The following CYB5R2 variants were observed in gnomAD, a reference collection of about 807,000 sequenced individuals.
CYB5R2 encodes NADH-cytochrome b5 reductase 2.
In CYB5R2, 35 loss-of-function variants were observed where a neutral mutation model predicts 29.8. That is an observed-to-expected ratio of 1.17 (90% CI 0.90 to 1.56). The LOEUF (loss-of-function observed/expected upper bound fraction) is 1.56, where lower values mean the gene tolerates loss of function less well. CYB5R2 is among the 40% of genes most tolerant of loss of function. The pLI, the probability that CYB5R2 is intolerant of heterozygous loss-of-function variation, is 0.00. For synonymous variants in CYB5R2, 169 were observed against 130.6 expected (o/e 1.29, Z -2.01); for missense variants, 419 against 346.7 (o/e 1.21, Z -1.66).
At position 7,666,489 on chromosome 11, in the gene CYB5R2, T is replaced by G. The variant is rs1266769888; in HGVS notation, c.620A>C (p.Gln207Pro). 2 of 1,613,524 alleles carry G rather than the reference T, an allele frequency of 1.2e-6. No homozygotes were observed. Among genetic ancestry groups the G allele is most frequent in the South Asian group, 2.2e-5 (2 of 91,066 alleles). Residue 207 changes from glutamine to proline, a missense_variant, in exon 8 of 9, where the codon CAG becomes CCG. Physicochemically the swap from Gln to Pro is moderately conservative, Grantham distance 76. Coordinates refer to ENST00000299498, the MANE Select transcript of CYB5R2 (RefSeq NM_016229.5). ...LEEIARTHPDQFNLWYTLDRP... is the reference protein window; with the variant it reads ...LEEIARTHPDPFNLWYTLDRP... ...GTCCAGGGTGTACCACAGGTTGAAC[T>G]GGTCTGGGTGAGTCCTGGCAATTTC...
Position 7,665,447 on chromosome 11 carries a change from G to C in CYB5R2, c.758C>G (p.Pro253Arg), listed in dbSNP as rs771640183. ...AGGGTGAGCCGCCGTCTGGATTAGT[G>C]GTGGCGGGCCACACACCAGGATGAG... ...STLILVCGPPPLIQTAAHPNL... is the reference protein window; with the variant it reads ...STLILVCGPPRLIQTAAHPNL... The change falls in exon 9 of 9, where the codon CCA becomes CGA. Residue 253 changes from proline (P) to arginine (R), a missense_variant. Pro to Arg is a moderately radical substitution (Grantham distance 103, BLOSUM62 -2). Coordinates refer to ENST00000299498, the MANE Select transcript of CYB5R2 (RefSeq NM_016229.5). The C allele has an allele frequency of 9.9e-6, 16 of 1,613,548 alleles. No individual in the cohort carries two copies. The highest frequency in any genetic ancestry group is 1.4e-5 in the Non-Finnish European group (16 of 1,179,848).
rs565769265 is a variant in CYB5R2, at chr11:7,665,827, C to T, written c.659-281G>A. 58 of 1,533,270 alleles carry T rather than the reference C, an allele frequency of 3.8e-5. No individual in the cohort carries two copies. In the East Asian group the frequency reaches 1.1e-3, roughly 30 times the overall value. 95.0% of individuals were successfully genotyped at this position (1,533,270 alleles called of 1,614,324 possible). ...GGAAGGAGAACACAACGAGGTATAC[C>T]GAGGTGTGTGAATCAGTACAGCCAG... On this transcript the variant is annotated intron_variant, in intron 8 of 8. Coordinates refer to ENST00000299498, the MANE Select transcript of CYB5R2 (RefSeq NM_016229.5).
intron 6 of CYB5R2, among the ~76,000 whole-genome samples, chr11:7,668,039 C>CT (rs1555006471): frequency 5.9e-5 from 9 of 152,248 alleles, no homozygotes; most frequent in South Asian, 2.1e-4. Context: ...AAAGAACACT[C>CT]TAAGTTCTTC....
intron 8 of CYB5R2, chr11:7,665,821 G>A: frequency 1.3e-6 from 2 of 1,530,268 alleles, no homozygotes; most frequent in Non-Finnish European, 8.8e-7. Context: ...ACACAACGAG[G>A]TATACCGAGG....
intron 8 of CYB5R2, chr11:7,665,982 C>G (rs138490640): frequency 2.8e-6 from 4 of 1,415,064 alleles, no homozygotes; most frequent in Non-Finnish European, 3.9e-6. Context: ...GTGAGAGGCG[C>G]GCCTGTGGGG....
chr11:7,672,843 C>T lies in CYB5R2; in HGVS notation c.-18G>A. 9 of 1,614,126 alleles carry T rather than the reference C, an allele frequency of 5.6e-6. No individual in the cohort carries two copies. The highest frequency in any genetic ancestry group is 6.8e-6 in the Non-Finnish European group (8 of 1,179,986). Reference sequence around the variant, plus strand: ...GAGTTCATGCTCTTCAGGACCAACACGAGCACAGTGACCCCAGTGACGGTG... The same window carrying T: ...GAGTTCATGCTCTTCAGGACCAACATGAGCACAGTGACCCCAGTGACGGTG... On this transcript the variant is annotated 5_prime_UTR_variant, in exon 2 of 9. In the 5' UTR this introduces an upstream ATG that the reference lacks. Transcript: ENST00000299498.
intron 5 of CYB5R2, chr11:7,668,838 G>A: frequency 1.7e-6 from 1 of 584,504 alleles, no homozygotes. Flanking sequence ...GAGACTCAAA[G>A]AGCATTCTCA....
chr11:7,669,916 C>T (rs1855623706), intron 3 of CYB5R2, 185 bp from the exon 4 acceptor site: 1 of 591,400 alleles, frequency 1.7e-6, no homozygotes, highest in East Asian at 2.9e-5. Context: ...CCCTGCCTCC[C>T]TGTGCTACCC....
rs777485658 is a variant in CYB5R2, at chr11:7,669,279, TACTG to T, written c.310_313del (p.Gln104IlefsTer5). Reference sequence around the variant, plus strand: ...CTCCCCGATTTTCATGTTCTCCAAATACTGAGTCATCTTCCCACCTTCAGGATAT... The same window carrying T: ...CTCCCCGATTTTCATGTTCTCCAAATAGTCATCTTCCCACCTTCAGGATAT... On this transcript the variant is annotated frameshift_variant, in exon 5 of 9. Transcript: ENST00000299498. LOFTEE classifies it high-confidence loss of function. 8 of 1,614,028 alleles carry T rather than the reference TACTG, an allele frequency of 5.0e-6. No individual in the cohort carries two copies. The African/African-American group carries it at 9.3e-5, about 19-fold the overall frequency.
At chr11:7,672,721 C>T (rs767961875) in intron 2 of CYB5R2, 27 bp downstream of exon 2, 4 of 1,614,034 alleles carry the variant, frequency 2.5e-6, no homozygotes, top group East Asian at 4.5e-5. Context: ...CACTTACTGC[C>T]TTCCACCCAC....
chr11:7,666,082 G>T, intron 8 of CYB5R2: 1 of 653,362 alleles, frequency 1.5e-6, no homozygotes, highest in South Asian at 1.7e-5. Flanking sequence ...GGCGGTAAGG[G>T]GTGTGGTGGC....
At chr11:7,669,029 C>T (rs982069659) in intron 5 of CYB5R2, 176 bp downstream of exon 5, 2 of 807,664 alleles carry the variant, frequency 2.5e-6, no homozygotes, top group African/African-American at 3.4e-5. Context: ...AGCTGACAAC[C>T]TCATGAAGTG....
At position 7,672,622 on chromosome 11, in the gene CYB5R2, G is replaced by GCACACACACACA. The variant is rs57207415; in HGVS notation, c.79-111_79-100dup. 2,002 of 1,237,052 alleles carry GCACACACACACA rather than the reference G, an allele frequency of 1.6e-3. 10 individuals carry two copies. Among genetic ancestry groups the GCACACACACACA allele is most frequent in the African/African-American group, 0.014 (964 of 67,710 alleles). 76.6% of individuals were successfully genotyped at this position (1,237,052 alleles called of 1,614,324 possible). ...AGGAGGTCCGTTTGGCGCTATTCCA[G>GCACACACACACA]CACACACACACACACACACAGGGCG... On this transcript the variant is annotated intron_variant, in intron 2 of 8. Transcript: ENST00000299498.
Position 7,665,272 on chromosome 11 carries a change from G to A in CYB5R2, c.*102C>T. On this transcript the variant is annotated 3_prime_UTR_variant, in exon 9 of 9. Coordinates refer to ENST00000299498, the MANE Select transcript of CYB5R2 (RefSeq NM_016229.5). The stretch of plus-strand genomic sequence containing the variant: ...AACCAGTGTGTGCGCGAAGGTACAT[G>A]GCAAGGCACTTTTGAAAACATCCCA... 9.4e-7 allele frequency: 1 copy of A among 1,061,460 alleles called. No homozygotes were observed. Among genetic ancestry groups the A allele is most frequent in the East Asian group, 2.7e-5 (1 of 37,452 alleles). 65.8% of individuals were successfully genotyped at this position (1,061,460 alleles called of 1,614,324 possible). A position where few individuals can be genotyped will look rare whatever the true frequency, so the allele number is the denominator to read the frequency against.
chr11:7,674,157 A>C, upstream of CYB5R2: 1 of 1,232,018 alleles, frequency 8.1e-7, no homozygotes, highest in Non-Finnish European at 1.0e-6. Context: ...GACCGGGCGG[A>C]GGGGGATGCT....
At chr11:7,669,455 T>A in intron 4 of CYB5R2, 121 bp from the exon 5 acceptor site, 1 of 1,290,072 alleles carries the variant, frequency 7.8e-7, no homozygotes, top group Non-Finnish European at 1.1e-6. Flanking sequence ...TCTGAATTGT[T>A]GTACGCAATC....
upstream of CYB5R2, chr11:7,673,853 C>T: frequency 1.0e-6 from 1 of 989,328 alleles, no homozygotes; most frequent in African/African-American, 1.7e-5. Context: ...CGGACACGCA[C>T]GCCCGGGAGG....
At chr11:7,672,196 C>G in intron 3 of CYB5R2, 1 of 453,922 alleles carries the variant, frequency 2.2e-6, no homozygotes, top group East Asian at 3.4e-5. Context: ...GATTTTAGGC[C>G]TTTTGGCTCT....
rs750758772 is a variant in CYB5R2, at chr11:7,669,749, A to G, written c.152-18T>C. On this transcript the variant is annotated intron_variant, in intron 3 of 8. Transcript: ENST00000299498. The stretch of plus-strand genomic sequence containing the variant: ...ATAGTTACCTATAGAAAAGGCATCA[A>G]GCACTGAGTCAAAGCATATTTAGCT... 3.2e-6 allele frequency: 5 copies of G among 1,564,284 alleles called. No individual in the cohort carries two copies. The Admixed American group carries it at 6.7e-5, about 21-fold the overall frequency.
Sources: allele counts gnomAD v4.1 joint callset (sites outside exome capture counted in the v4.1 genomes callset), GRCh38; gene constraint gnomAD v4.1.1; transcripts MANE v1.5; gene names NCBI Gene and HGNC (gene_info 2026-07-23, HGNC 2026-07-21).